TAC1: variants seen among roughly 807,000 people sequenced by gnomAD.
TAC1 encodes protachykinin-1.
A neutral mutation model predicts 21.7 loss-of-function variants in TAC1; 12 were observed. That is an observed-to-expected ratio of 0.55 (90% CI 0.35 to 0.89). The LOEUF is 0.89. Ranked by LOEUF, TAC1 falls within the 40% of genes least tolerant of loss-of-function variation. The pLI, the probability that TAC1 is intolerant of heterozygous loss-of-function variation, is 0.01. For missense variants in TAC1, 128 were observed against 151.4 expected, an observed-to-expected ratio of 0.85 and a Z score of 0.81; for synonymous variants, 52 against 52.0, an observed-to-expected ratio of 1.00 and a Z score of 0.00.
At position 97,732,919 on chromosome 7, in the gene TAC1, G is replaced by C. The variant is rs966365454; in HGVS notation, c.123+184G>C. On this transcript the variant is annotated intron_variant, in intron 2 of 6. Coordinates refer to ENST00000319273, the MANE Select transcript of TAC1 (RefSeq NM_003182.3). The surrounding 1 kb of genome is among the most constrained non-coding windows in gnomAD (Gnocchi z 6.2). ...GTTCCCCACGGGATTTTGTGCCCAC[G>C]ATTCAAGTTTCTTCCCGAGGGCTGC... 2 of 816,546 alleles carry C rather than the reference G, an allele frequency of 2.4e-6. No individual in the cohort carries two copies. 50.6% of individuals were successfully genotyped at this position (816,546 alleles called of 1,614,324 possible). A position where few individuals can be genotyped will look rare whatever the true frequency, so the allele number is the denominator to read the frequency against.
rs760014254 is a variant in TAC1 at position 97,734,238 on chromosome 7, C to A, written c.221-10C>A. 8 of 1,613,482 alleles carry A rather than the reference C, an allele frequency of 5.0e-6. No homozygotes were observed. Among genetic ancestry groups the A allele is most frequent in the Non-Finnish European group, 5.9e-6 (7 of 1,179,438 alleles). On this transcript the variant is annotated splice_polypyrimidine_tract_variant and intron_variant, in intron 3 of 6. Transcript: ENST00000319273. ...GAACATGTAGTTAATGACAATTCGTCTCTTGTCAGATTCCTCAATTGAAAA... is the reference window on the plus strand; with the variant it reads ...GAACATGTAGTTAATGACAATTCGTATCTTGTCAGATTCCTCAATTGAAAA...
chr7:97,734,027 T>A, intron 3 of TAC1: 1 of 679,948 alleles, frequency 1.5e-6, no homozygotes, highest in South Asian at 1.9e-5. Context: ...TGCCTCACTG[T>A]ATTCGAGTGA....
chr7:97,732,530 T>C lies in TAC1; in HGVS notation c.-9-74T>C. On this transcript the variant is annotated intron_variant, in intron 1 of 6. Coordinates refer to ENST00000319273, the MANE Select transcript of TAC1 (RefSeq NM_003182.3). This position sits in a 1 kb window ranked among gnomAD's most constrained non-coding sequence, Gnocchi z 6.2. ...TGTGGGGCAGAAAATTCTGTTGCTTTAACTCTTGGATAACCACCCCTAATA... is the reference window on the plus strand; with the variant it reads ...TGTGGGGCAGAAAATTCTGTTGCTTCAACTCTTGGATAACCACCCCTAATA... 1.9e-6 allele frequency: 3 copies of C among 1,563,220 alleles called. No homozygotes were observed. Among genetic ancestry groups the C allele is most frequent in the Non-Finnish European group, 2.6e-6 (3 of 1,148,708 alleles).
Position 97,739,928 on chromosome 7 carries a change from C to T in TAC1, c.*8C>T. On this transcript the variant is annotated 3_prime_UTR_variant, in exon 7 of 7. Coordinates refer to ENST00000319273, the MANE Select transcript of TAC1 (RefSeq NM_003182.3). ...TATGAAAGAAGACGTTAATAAACTA[C>T]CTAACATTATTTATTCAGCTTCATT... is the stretch of plus-strand genomic sequence containing the variant. 1 of 1,593,422 alleles carries T rather than the reference C, an allele frequency of 6.3e-7. No individual in the cohort carries two copies. The highest frequency in any genetic ancestry group is 1.7e-5 in the Admixed American group (1 of 57,946).
At chr7:97,733,085 C>T in intron 2 of TAC1, 1 of 218,922 alleles carries the variant, frequency 4.6e-6, no homozygotes, top group East Asian at 1.1e-4. Context: ...ACTGCCCTAG[C>T]GTCTGGGCAC....
At chr7:97,739,689 T>C (rs1168158976) in intron 6 of TAC1, among the ~76,000 whole-genome samples, 185 bp from the exon 7 acceptor site, 1 of 152,044 alleles carries the variant, frequency 6.6e-6, no homozygotes, top group Non-Finnish European at 1.5e-5. Flanking sequence ...GGTTAGATCA[T>C]TTCCAATCAG....
At chr7:97,737,543 A>G (rs1385950853) in intron 6 of TAC1, among the ~76,000 whole-genome samples, 3 of 152,026 alleles carry the variant, frequency 2.0e-5, no homozygotes, top group African/African-American at 7.2e-5. Context: ...GAAGCCAGAG[A>G]ATATATTCAT....
At chr7:97,733,898 T>C in intron 3 of TAC1, 79 bp downstream of exon 3, 1 of 1,367,566 alleles carries the variant, frequency 7.3e-7, no homozygotes, top group South Asian at 1.2e-5. Context: ...CCCCAGGGTC[T>C]CTCGCTCTGA....
At chr7:97,739,612 T>A (rs758599465) in intron 6 of TAC1, among the ~76,000 whole-genome samples, 37 of 152,048 alleles carry the variant, frequency 2.4e-4, no homozygotes, top group Non-Finnish European at 2.9e-4. Context: ...AACACTGCAA[T>A]ATATTGTGGA....
chr7:97,737,099 C>G (rs896746581), intron 6 of TAC1, among the ~76,000 whole-genome samples: 1 of 151,856 alleles, frequency 6.6e-6, no homozygotes, highest in Non-Finnish European at 1.5e-5. Flanking sequence ...ATCTGAAAAC[C>G]ATTATTAGTT....
At chr7:97,734,014 G>A (rs1460745549) in intron 3 of TAC1, 195 bp downstream of exon 3, 2 of 688,474 alleles carry the variant, frequency 2.9e-6, no homozygotes, top group South Asian at 3.8e-5. Flanking sequence ...GATCTGGTTC[G>A]CATGCCTCAC....
chr7:97,735,905 C>G (rs1789566294), intron 5 of TAC1, among the ~76,000 whole-genome samples: 1 of 152,018 alleles, frequency 6.6e-6, no homozygotes, highest in Non-Finnish European at 1.5e-5. Context: ...GGTCTACTTG[C>G]TGAGAAGTAC....
Position 97,740,401 on chromosome 7 carries a change from C to G in TAC1, c.*481C>G, listed in dbSNP as rs1344939677. On this transcript the variant is annotated 3_prime_UTR_variant, in exon 7 of 7. Coordinates refer to ENST00000319273, the MANE Select transcript of TAC1 (RefSeq NM_003182.3). ...TGTTTTTAAAAGTTTCAATGTGATT[C>G]TAATGTCTTCATTTCATTGTATGAT... 6.6e-6 allele frequency: 1 copy of G among 152,424 alleles called. No individual in the cohort carries two copies. The highest frequency in any genetic ancestry group is 1.9e-4 in the East Asian group (1 of 5,204). The allele number at this position is 152,424 out of a possible 1,614,324, so 9.4% of individuals were successfully genotyped here. A position where few individuals can be genotyped will look rare whatever the true frequency, so the allele number is the denominator to read the frequency against.
chr7:97,732,765 C>G lies in TAC1; in HGVS notation c.123+30C>G. 1 of 1,602,948 alleles carries G rather than the reference C, an allele frequency of 6.2e-7. No individual in the cohort carries two copies. Among genetic ancestry groups the G allele is most frequent in the Non-Finnish European group, 8.5e-7 (1 of 1,174,208 alleles). Reference sequence around the variant, plus strand: ...GGCCCCTTCCCAGGACGGCCCGCACCCTTCTTCCTGGGCTCGGGAGCTGTC... The same window carrying G: ...GGCCCCTTCCCAGGACGGCCCGCACGCTTCTTCCTGGGCTCGGGAGCTGTC... On this transcript the variant is annotated intron_variant, in intron 2 of 6. Coordinates refer to ENST00000319273, the MANE Select transcript of TAC1 (RefSeq NM_003182.3). The surrounding 1 kb of genome is among the most constrained non-coding windows in gnomAD (Gnocchi z 6.2).
At chr7:97,734,710 A>G in intron 4 of TAC1, 116 bp from the exon 5 acceptor site, 1 of 774,294 alleles carries the variant, frequency 1.3e-6, no homozygotes, top group Non-Finnish European at 2.1e-6. Context: ...TCCTCAGGAT[A>G]ATATATAGAT....
chr7:97,739,475 G>T (rs1371189007), intron 6 of TAC1, among the ~76,000 whole-genome samples: 2 of 151,974 alleles, frequency 1.3e-5, no homozygotes, highest in East Asian at 3.8e-4. Flanking sequence ...TTGGCCCATG[G>T]TCTCTGCTAG....
At chr7:97,735,415 T>G (rs1292477328) in intron 5 of TAC1, among the ~76,000 whole-genome samples, 1 of 152,172 alleles carries the variant, frequency 6.6e-6, no homozygotes, top group African/African-American at 2.4e-5. Flanking sequence ...GTAAAACATT[T>G]CTTAGGGCAG....
chr7:97,732,656 C>T lies in TAC1; in HGVS notation c.44C>T (p.Thr15Ile). The T allele has an allele frequency of 6.2e-7, 1 of 1,614,126 alleles. No homozygotes were observed. The highest frequency in any genetic ancestry group is 8.5e-7 in the Non-Finnish European group (1 of 1,180,034). ...TTGGCAGTCTTTTTTCTTGTCTCCA[C>T]TCAGCTGTTTGCAGAAGAAATAGGA... is the stretch of plus-strand genomic sequence containing the variant. The part of the protein sequence containing the change: ...VALAVFFLVS[T>I]QLFAEEIGAN... Residue 15 changes from threonine (T) to isoleucine (I), a missense_variant, in exon 2 of 7, where the codon ACT becomes ATT. By Grantham distance (89) the Thr-to-Ile change is moderately conservative. Coordinates refer to ENST00000319273, the MANE Select transcript of TAC1 (RefSeq NM_003182.3). This position sits in a 1 kb window ranked among gnomAD's most constrained non-coding sequence, Gnocchi z 6.2.
intron 6 of TAC1, among the ~76,000 whole-genome samples, chr7:97,739,015 T>TATAATATAATATA (rs1562785791): frequency 1.3e-5 from 2 of 150,180 alleles, no homozygotes; most frequent in Non-Finnish European, 3.0e-5. Flanking sequence ...TATAATATAA[T>TATAATATAATATA]ATACAATTTT....
Sources: allele counts gnomAD v4.1 joint callset (sites outside exome capture counted in the v4.1 genomes callset), GRCh38; gene constraint gnomAD v4.1.1; non-coding constraint Gnocchi (gnomAD v3.1); transcripts MANE v1.5; gene names NCBI Gene and HGNC (gene_info 2026-07-23, HGNC 2026-07-21).